Variants in MLLT3 observed in about 807,000 individuals in gnomAD.
MLLT3 encodes protein AF-9.
A neutral mutation model predicts 53.2 loss-of-function variants in MLLT3; 4 were observed. That is an observed-to-expected ratio of 0.08 (90% CI 0.04 to 0.17). The LOEUF (loss-of-function observed/expected upper bound fraction) is 0.17, where lower values mean the gene tolerates loss of function less well. MLLT3 is among the 10% of genes least tolerant of loss of function. MLLT3 has a pLI of 1.00. For missense variants in MLLT3, 569 were observed against 684.0 expected (o/e 0.83, Z 1.87); for synonymous variants, 283 against 230.6 (o/e 1.23, Z -2.06).
intron 10 of MLLT3, among the ~76,000 whole-genome samples, chr9:20,352,255 A>C (rs1821046459): frequency 6.6e-6 from 1 of 152,174 alleles, no homozygotes; most frequent in South Asian, 2.1e-4. Context: ...GAGACTCACT[A>C]TTTGGGCCCA....
At chr9:20,382,201 T>C (rs1032634568) in intron 5 of MLLT3, among the ~76,000 whole-genome samples, 3 of 151,922 alleles carry the variant, frequency 2.0e-5, no homozygotes, top group African/African-American at 7.2e-5. Flanking sequence ...TGAATTTTTC[T>C]ATACATCAAA....
chr9:20,577,919 T>C (rs1819694752), intron 2 of MLLT3, among the ~76,000 whole-genome samples: 1 of 152,206 alleles, frequency 6.6e-6, no homozygotes, highest in Non-Finnish European at 1.5e-5. Flanking sequence ...TTGGGAATCA[T>C]TCCTAGAAAT....
rs556815170 is a variant in MLLT3, at chr9:20,344,327, A to G, written c.*2116T>C. 247 of 200,858 alleles carry G rather than the reference A, an allele frequency of 1.2e-3. No homozygotes were observed. The highest frequency in any genetic ancestry group is 2.1e-3 in the Non-Finnish European group (205 of 97,394). The allele number at this position is 200,858 out of a possible 1,614,324, so 12.4% of individuals were successfully genotyped here. On this transcript the variant is annotated 3_prime_UTR_variant, in exon 11 of 11. Transcript: ENST00000380338. ...GTTTCTAGTTAAACTACACAGATATATTAAATCACATAAACTTCTGGCTTG... is the reference window on the plus strand; with the variant it reads ...GTTTCTAGTTAAACTACACAGATATGTTAAATCACATAAACTTCTGGCTTG...
In MLLT3 at chr9:20,349,630, G is replaced by A. The variant is rs558634360; in HGVS notation, c.1576-3056C>T. 5.9e-5 allele frequency among the ~76,000 whole-genome samples: 9 copies of A among 152,028 alleles called. No homozygotes were observed. In the South Asian group the frequency reaches 1.7e-3, roughly 28 times the overall value. On this transcript the variant is annotated intron_variant, in intron 10 of 10. Transcript: ENST00000380338. Reference sequence around the variant, plus strand: ...TATTTAATAACAAATAGAAAACTGGGCAATAAAAAAATCCCTTCTAGAAAA... The same window carrying A: ...TATTTAATAACAAATAGAAAACTGGACAATAAAAAAATCCCTTCTAGAAAA...
intron 2 of MLLT3, among the ~76,000 whole-genome samples, chr9:20,521,722 C>T (rs1402778243): frequency 6.6e-6 from 1 of 152,132 alleles, no homozygotes; most frequent in Admixed American, 6.5e-5. Flanking sequence ...AAATTCAGTG[C>T]TTTCTGTTCT....
chr9:20,441,508 G>T (rs1294836944), intron 4 of MLLT3, among the ~76,000 whole-genome samples: 1 of 151,958 alleles, frequency 6.6e-6, no homozygotes, highest in African/African-American at 2.4e-5. Flanking sequence ...GGGGGAGGTG[G>T]CCGACAAGGT....
chr9:20,534,000 G>T (rs1301475755), intron 2 of MLLT3, among the ~76,000 whole-genome samples: 6 of 152,146 alleles, frequency 3.9e-5, no homozygotes, highest in Non-Finnish European at 5.9e-5. Flanking sequence ...GAATTAATTT[G>T]TGGTAGTCAT....
chr9:20,463,019 G>C (rs1824149887), intron 2 of MLLT3, among the ~76,000 whole-genome samples: 1 of 152,126 alleles, frequency 6.6e-6, no homozygotes, highest in Admixed American at 6.5e-5. Context: ...GTTTACATTT[G>C]TATAGAGAAC....
intron 5 of MLLT3, among the ~76,000 whole-genome samples, chr9:20,367,591 C>T (rs541071343): frequency 2.6e-5 from 4 of 152,280 alleles, no homozygotes; most frequent in African/African-American, 7.2e-5. Context: ...ATCATACCAA[C>T]AAACTTGAAT....
Position 20,394,995 on chromosome 9 carries a change from A to G in MLLT3, c.1125+18726T>C, listed in dbSNP as rs534301240. Reference sequence around the variant, plus strand: ...GAGCAGGTGAAAGAAAGGTCCCACAAGAGTAAGGAAAGGGCGTAATCTCCC... The same window carrying G: ...GAGCAGGTGAAAGAAAGGTCCCACAGGAGTAAGGAAAGGGCGTAATCTCCC... On this transcript the variant is annotated intron_variant, in intron 5 of 10. Coordinates refer to ENST00000380338, the MANE Select transcript of MLLT3 (RefSeq NM_004529.4). Among the ~76,000 whole-genome samples the G allele has an allele frequency of 3.9e-5, 6 of 152,246 alleles. 1 individual carries two copies. The South Asian group carries it at 1.0e-3, about 26-fold the overall frequency.
chr9:20,430,290 T>C (rs950799420), intron 4 of MLLT3, among the ~76,000 whole-genome samples: 8 of 152,122 alleles, frequency 5.3e-5, no homozygotes, highest in African/African-American at 1.7e-4. Flanking sequence ...TCAACAGTTT[T>C]TCAGAGAACT....
chr9:20,447,855 G>A (rs1823742719), intron 4 of MLLT3, among the ~76,000 whole-genome samples: 2 of 151,964 alleles, frequency 1.3e-5, no homozygotes, highest in South Asian at 4.1e-4. Context: ...TTGTTTTGGG[G>A]TTTTGTCATA....
chr9:20,377,455 G>T (rs1218165623), intron 5 of MLLT3, among the ~76,000 whole-genome samples: 1 of 151,940 alleles, frequency 6.6e-6, no homozygotes, highest in African/African-American at 2.4e-5. Context: ...TTATAAAAAA[G>T]TATAAAGTAA....
In MLLT3 at chr9:20,533,217, C is replaced by T. The variant is rs1563804844; in HGVS notation, c.194-76431G>A. 3.4e-5 allele frequency: 11 copies of T among 322,086 alleles called. No homozygotes were observed. In the South Asian group the frequency reaches 3.5e-4, roughly 10 times the overall value. The allele number at this position is 322,086 out of a possible 1,614,324, so 20.0% of individuals were successfully genotyped here. A position where few individuals can be genotyped will look rare whatever the true frequency, so the allele number is the denominator to read the frequency against. On this transcript the variant is annotated intron_variant, in intron 2 of 10. Transcript: ENST00000380338. The stretch of plus-strand genomic sequence containing the variant: ...GAGCTTTGACTAAGCTGGTGGAAGC[C>T]ATCAGGACCAATTATAATGACAGAT...
rs773588052 is a variant in MLLT3 at position 20,363,619 on chromosome 9, A to AT, written c.1202-15dup. ...ACCTCAAAGGACCTGAGTAATGACA[A>AT]TGAACCACAGGCAATCAAACATATA... On this transcript the variant is annotated splice_polypyrimidine_tract_variant and intron_variant, in intron 6 of 10. Transcript: ENST00000380338. 2 of 1,612,354 alleles carry AT rather than the reference A, an allele frequency of 1.2e-6. No homozygotes were observed. The highest frequency in any genetic ancestry group is 2.2e-5 in the South Asian group (2 of 90,928).
intron 5 of MLLT3, among the ~76,000 whole-genome samples, chr9:20,406,801 T>G (rs952655904): frequency 6.6e-6 from 1 of 152,208 alleles, no homozygotes; most frequent in Admixed American, 6.5e-5. Context: ...AAGATAAAAG[T>G]GTTGTCTTCA....
At chr9:20,572,470 T>G (rs991265984) in intron 2 of MLLT3, among the ~76,000 whole-genome samples, 3 of 152,172 alleles carry the variant, frequency 2.0e-5, no homozygotes, top group African/African-American at 4.8e-5. Context: ...ACTCCAAAAA[T>G]ATATAGTTTG....
intron 4 of MLLT3, among the ~76,000 whole-genome samples, chr9:20,417,545 G>A (rs1371388859): frequency 6.6e-6 from 1 of 151,638 alleles, no homozygotes; most frequent in African/African-American, 2.4e-5. Flanking sequence ...AATTCTCTTC[G>A]CCTGAGGCTG....
intron 5 of MLLT3, chr9:20,382,270 A>G (rs1821925996): frequency 6.6e-6 from 1 of 151,880 alleles, no homozygotes; most frequent in Non-Finnish European, 1.5e-5. Context: ...TACCTTACAT[A>G]ATATCCCAGA....
Sources: gnomAD v4.1 joint callset for allele counts (sites outside exome capture counted in the v4.1 genomes callset) on GRCh38, gnomAD v4.1.1 for gene constraint, MANE v1.5 for transcripts, NCBI Gene and HGNC (gene_info 2026-07-23, HGNC 2026-07-21) for gene names.